Variants in SEL1L2 observed in about 807,000 individuals in gnomAD.
SEL1L2 encodes protein sel-1 homolog 2.
In SEL1L2, 89 loss-of-function variants were observed where a neutral mutation model predicts 98.8. The observed-to-expected ratio is 0.90, with a 90% confidence interval of 0.76 to 1.07. SEL1L2 has a LOEUF of 1.07. Among genes scored for constraint, SEL1L2 ranks in the 50% least tolerant of loss-of-function variants. SEL1L2 has a pLI of 0.00. For missense variants in SEL1L2, 788 were observed against 812.0 expected (o/e 0.97, Z 0.36); for synonymous variants, 262 against 278.5 (o/e 0.94, Z 0.59).
chr20:13,876,169 G>T, intron 11 of SEL1L2, 54 bp from the exon 12 acceptor site: 1 of 1,275,400 alleles, frequency 7.8e-7, no homozygotes, highest in Non-Finnish European at 1.1e-6. Flanking sequence ...TGAGAGTAAT[G>T]CAAATATTTT....
At chr20:13,895,626 A>G (rs1418342410) in intron 5 of SEL1L2, among the ~76,000 whole-genome samples, 3 of 152,230 alleles carry the variant, frequency 2.0e-5, no homozygotes, top group Non-Finnish European at 4.4e-5. Flanking sequence ...CGTATATAAA[A>G]GCTTACAGCT....
At chr20:13,991,470 C>A (rs2052530891), upstream of SEL1L2, among the ~76,000 whole-genome samples, 1 of 152,176 alleles carries the variant, frequency 6.6e-6, no homozygotes, top group Admixed American at 6.5e-5. Context: ...AAAGACAAGG[C>A]TAGCTCCTCC....
At chr20:13,958,385 G>T (rs1047955403) in intron 1 of SEL1L2, among the ~76,000 whole-genome samples, 1 of 152,080 alleles carries the variant, frequency 6.6e-6, no homozygotes, top group Non-Finnish European at 1.5e-5. Context: ...ATTGGAATAC[G>T]CTACTTAAAT....
intron 1 of SEL1L2, among the ~76,000 whole-genome samples, chr20:13,964,440 T>C (rs374815360): frequency 2.2e-4 from 25 of 115,402 alleles, no homozygotes; most frequent in Middle Eastern, 4.3e-3. Flanking sequence ...CTATCTGCTA[T>C]CTCTTCATTT....
intron 1 of SEL1L2, among the ~76,000 whole-genome samples, chr20:13,990,173 T>C (rs2148593414): frequency 6.6e-6 from 1 of 152,336 alleles, no homozygotes; most frequent in Middle Eastern, 3.4e-3. Flanking sequence ...TTAATAACAC[T>C]TAACAACTTG....
Position 13,849,577 on chromosome 20 carries a change from G to A in SEL1L2, c.1975C>T (p.Leu659=). 6.2e-7 allele frequency: 1 copy of A among 1,614,026 alleles called. No homozygotes were observed. Among genetic ancestry groups the A allele is most frequent in the African/African-American group, 1.3e-5 (1 of 75,036 alleles). The change falls in exon 20 of 20, where the codon CTG becomes TTG. Residue 659 remains leucine (L), a synonymous_variant. Transcript: ENST00000284951. ...CAGTGTGGTCCAATGGTGTTGTCCAGTTTCAGCCAGTTCCATCTCGTTGTG... is the reference window on the plus strand; with the variant it reads ...CAGTGTGGTCCAATGGTGTTGTCCAATTTCAGCCAGTTCCATCTCGTTGTG... ...NFTTRWNWLK[L]DNTIGPHWDL... is the part of the protein sequence containing the mutation.
chr20:13,866,735 T>C lies in SEL1L2; in HGVS notation c.1371A>G (p.Thr457=). ...CAGTTCTGCATGATCTTACTACTCC[T>C]GTTCCTGTTGCATACATCTTGGCCA... ...YYLAKMYATG[T]GVVRSCRTAV... Residue 457 remains threonine (T), a synonymous_variant, in exon 15 of 20, where the codon ACA becomes ACG. Coordinates refer to ENST00000284951, the MANE Select transcript of SEL1L2 (RefSeq NM_025229.2). 1.9e-6 allele frequency: 3 copies of C among 1,605,612 alleles called. No individual in the cohort carries two copies. The highest frequency in any genetic ancestry group is 2.5e-6 in the Non-Finnish European group (3 of 1,177,338).
chr20:13,943,993 C>T (rs545856868), intron 2 of SEL1L2, among the ~76,000 whole-genome samples: 64 of 152,108 alleles, frequency 4.2e-4, no homozygotes, highest in Non-Finnish European at 7.6e-4. Flanking sequence ...ACTTCTCATT[C>T]CAGGTGTGGA....
intron 1 of SEL1L2, among the ~76,000 whole-genome samples, chr20:13,971,462 G>C (rs568187961): frequency 6.6e-6 from 1 of 152,238 alleles, no homozygotes; most frequent in Non-Finnish European, 1.5e-5. Flanking sequence ...GTCTCACTCT[G>C]TCATCCAGGC....
chr20:13,937,798 T>A (rs1440764507), intron 2 of SEL1L2, among the ~76,000 whole-genome samples: 1 of 152,226 alleles, frequency 6.6e-6, no homozygotes, highest in Admixed American at 6.5e-5. Context: ...TTAATGAATA[T>A]GTGAGTTTCT....
rs777152709 is a variant in SEL1L2 at position 13,913,877 on chromosome 20, C to T, written c.454G>A (p.Ala152Thr). 25 of 1,565,078 alleles carry T rather than the reference C, an allele frequency of 1.6e-5. No individual in the cohort carries two copies. The highest frequency in any genetic ancestry group is 2.1e-5 in the Non-Finnish European group (24 of 1,163,064). The part of the protein sequence containing the change: ...NLKAMEKMAD[A>T]LLFGNFGVQN... ...ACGCCAAAATTTCCAAATAGCAAAG[C>T]GTCAGCCATTTTCTCCATAGCTTTC... Residue 152 changes from alanine (A) to threonine (T), a missense_variant, in exon 5 of 20, where the codon GCT becomes ACT. Coordinates refer to ENST00000284951, the MANE Select transcript of SEL1L2 (RefSeq NM_025229.2).
chr20:13,916,023 C>T (rs2048386174), intron 4 of SEL1L2, among the ~76,000 whole-genome samples: 1 of 152,120 alleles, frequency 6.6e-6, no homozygotes. Context: ...AATGAAGGAC[C>T]ACTCTAGCTG....
intron 1 of SEL1L2, among the ~76,000 whole-genome samples, chr20:13,966,764 TA>T: frequency 6.6e-6 from 1 of 152,242 alleles, no homozygotes; most frequent in East Asian, 1.9e-4. Context: ...CCTTTTGGAG[TA>T]AGTGTGAAGA....
At chr20:13,935,813 T>C (rs981504625) in intron 2 of SEL1L2, among the ~76,000 whole-genome samples, 1 of 151,994 alleles carries the variant, frequency 6.6e-6, no homozygotes, top group African/African-American at 2.4e-5. Context: ...ATCGTAGAGA[T>C]GGAGTGGGGA....
chr20:13,913,140 T>A (rs558096301), intron 5 of SEL1L2, among the ~76,000 whole-genome samples: 2 of 152,360 alleles, frequency 1.3e-5, no homozygotes, highest in South Asian at 4.1e-4. Context: ...ACTTTCTTTT[T>A]CATACTTTCT....
At chr20:13,863,307 A>G (rs953421227) in intron 17 of SEL1L2, among the ~76,000 whole-genome samples, 1 of 152,196 alleles carries the variant, frequency 6.6e-6, no homozygotes, top group African/African-American at 2.4e-5. Context: ...GCCTCTAAGA[A>G]TGGAAGGCAG....
At chr20:13,962,746 T>C (rs1181198593) in intron 1 of SEL1L2, among the ~76,000 whole-genome samples, 1 of 152,052 alleles carries the variant, frequency 6.6e-6, no homozygotes, top group Non-Finnish European at 1.5e-5. Flanking sequence ...CAGAATATAG[T>C]CCTAGCATTG....
At chr20:13,975,777 T>C (rs186452676) in intron 1 of SEL1L2, among the ~76,000 whole-genome samples, 60 of 152,310 alleles carry the variant, frequency 3.9e-4, no homozygotes, top group Middle Eastern at 3.4e-3. Flanking sequence ...AAAACTAACT[T>C]AGTTATGAGA....
intron 1 of SEL1L2, among the ~76,000 whole-genome samples, chr20:13,969,275 C>T (rs1284984373): frequency 6.6e-6 from 1 of 152,178 alleles, no homozygotes; most frequent in Non-Finnish European, 1.5e-5. Flanking sequence ...GTGCCCCCTC[C>T]CAAGTCACCT....
Sources: gnomAD v4.1 joint callset for allele counts (sites outside exome capture counted in the v4.1 genomes callset) on GRCh38, gnomAD v4.1.1 for gene constraint, MANE v1.5 for transcripts, NCBI Gene and HGNC (gene_info 2026-07-23, HGNC 2026-07-21) for gene names.